LRRC69: variants seen among roughly 807,000 people sequenced by gnomAD.
LRRC69 encodes leucine rich repeat containing 69.
LRRC69 carries 42 observed loss-of-function variants against 37.8 expected under a neutral mutation model. The ratio of observed to expected loss-of-function variants is 1.11; its 90% CI spans 0.87 to 1.44. The LOEUF (loss-of-function observed/expected upper bound fraction) is 1.44, where lower values mean the gene tolerates loss of function less well. Ranked by LOEUF, LRRC69 falls within the 40% of genes most tolerant of loss-of-function variation. LRRC69 has a pLI of 0.00. For synonymous variants in LRRC69, 141 were observed against 143.1 expected (o/e 0.99, Z 0.11); for missense variants, 357 against 401.9 (o/e 0.89, Z 0.96).
intron 6 of LRRC69, among the ~76,000 whole-genome samples, chr8:91,192,342 G>A (rs1809513001): frequency 6.6e-6 from 1 of 152,012 alleles, no homozygotes; most frequent in African/African-American, 2.4e-5. Flanking sequence ...ATGATTTATA[G>A]TCCTTTGGGT....
At chr8:91,190,743 G>A (rs1809479760) in intron 6 of LRRC69, among the ~76,000 whole-genome samples, 1 of 151,834 alleles carries the variant, frequency 6.6e-6, no homozygotes, top group Admixed American at 6.6e-5. Context: ...TAATTTTCTG[G>A]CTTTTTAGCC....
intron 5 of LRRC69, among the ~76,000 whole-genome samples, chr8:91,143,127 A>G (rs1307329065): frequency 1.3e-5 from 2 of 152,098 alleles, no homozygotes; most frequent in African/African-American, 4.8e-5. Context: ...AAAACTTCTT[A>G]AACATTTATT....
At chr8:91,158,802 A>G (rs1808885186) in intron 5 of LRRC69, 1 of 740,264 alleles carries the variant, frequency 1.4e-6, no homozygotes, top group Non-Finnish European at 2.5e-6. Context: ...CCAATGATTC[A>G]TAACAATGTA....
At chr8:91,218,761 C>G in intron 7 of LRRC69, 129 bp from the exon 8 acceptor site, 1 of 566,644 alleles carries the variant, frequency 1.8e-6, no homozygotes, top group Non-Finnish European at 3.0e-6. Context: ...AAGAGCAAAT[C>G]AAGCATAAAT....
chr8:91,127,780 T>C (rs1813746070), intron 3 of LRRC69, among the ~76,000 whole-genome samples: 1 of 151,904 alleles, frequency 6.6e-6, no homozygotes, highest in Non-Finnish European at 1.5e-5. Context: ...CTTTGGAGAC[T>C]CCCTTTATTG....
intron 5 of LRRC69, among the ~76,000 whole-genome samples, chr8:91,153,038 C>G (rs370849809): frequency 1.3e-5 from 2 of 151,064 alleles, no homozygotes; most frequent in East Asian, 3.9e-4. Flanking sequence ...GAAAATTTAC[C>G]AAGCAAATGG....
At chr8:91,113,528 G>A (rs929910834) in intron 1 of LRRC69, among the ~76,000 whole-genome samples, 5 of 151,920 alleles carry the variant, frequency 3.3e-5, no homozygotes, top group African/African-American at 1.2e-4. Context: ...AATTAAATTG[G>A]ACCCTTATCT....
At chr8:91,155,683 C>T (rs1409299825) in intron 5 of LRRC69, among the ~76,000 whole-genome samples, 2 of 150,774 alleles carry the variant, frequency 1.3e-5, no homozygotes, top group Admixed American at 1.3e-4. Flanking sequence ...ATTCTACTCT[C>T]TACTTCTATG....
intron 1 of LRRC69, among the ~76,000 whole-genome samples, chr8:91,119,229 C>T (rs1408825581): frequency 6.6e-6 from 1 of 152,046 alleles, no homozygotes; most frequent in African/African-American, 2.4e-5. Context: ...ATCCTTGCTA[C>T]AGTGTTTCTG....
intron 5 of LRRC69, among the ~76,000 whole-genome samples, chr8:91,171,030 A>G (rs1809118108): frequency 6.6e-6 from 1 of 151,008 alleles, no homozygotes; most frequent in East Asian, 1.9e-4. Context: ...TCCAGAATCT[A>G]CAATGAACTC....
At chr8:91,131,036 T>C (rs762936367) in intron 3 of LRRC69, among the ~76,000 whole-genome samples, 3 of 152,122 alleles carry the variant, frequency 2.0e-5, no homozygotes, top group East Asian at 1.9e-4. Flanking sequence ...TTTTAACATA[T>C]GAATTTTGAA....
rs146401108 is a variant in LRRC69 at position 91,123,396 on chromosome 8, A to T, written c.184-1097A>T. Among the ~76,000 whole-genome samples the T allele has an allele frequency of 5.4e-3, 816 of 152,174 alleles. 29 individuals are homozygous for T. The highest frequency in any genetic ancestry group is 4.1e-3 in the Non-Finnish European group (279 of 68,030). On this transcript the variant is annotated intron_variant, in intron 1 of 7. Coordinates refer to ENST00000448384, the Ensembl canonical transcript of LRRC69. Reference sequence around the variant, plus strand: ...ATGTATTATACTGTTATAAATTAGGATAATGGTAATTCTTAGACAAAAGCA... The same window carrying T: ...ATGTATTATACTGTTATAAATTAGGTTAATGGTAATTCTTAGACAAAAGCA...
chr8:91,130,053 C>T (rs1378087199), intron 3 of LRRC69, among the ~76,000 whole-genome samples: 1 of 151,936 alleles, frequency 6.6e-6, no homozygotes, highest in East Asian at 1.9e-4. Context: ...TTCTTCAGCC[C>T]AGAAATTTCC....
chr8:91,191,054 C>A lies in LRRC69; in HGVS notation c.753+1431C>A, dbSNP rs1013269626. 2.1e-3 allele frequency among the ~76,000 whole-genome samples: 247 copies of A among 120,156 alleles called. 1 individual carries two copies. Among genetic ancestry groups the A allele is most frequent in the African/African-American group, 6.2e-3 (216 of 34,630 alleles). The allele number at this position is 120,156 out of a possible 152,430, so 78.8% of individuals were successfully genotyped here. On this transcript the variant is annotated intron_variant, in intron 6 of 7. Transcript: ENST00000448384. ...ATCCTGTCTCAAACCCCCCCCCCCC[C>A]AAGTCAAAAAGCAACAACAACAAAA...
intron 5 of LRRC69, among the ~76,000 whole-genome samples, chr8:91,181,450 A>G (rs893373284): frequency 6.6e-6 from 1 of 152,206 alleles, no homozygotes; most frequent in African/African-American, 2.4e-5. Flanking sequence ...TTTCACATAC[A>G]GATATAGAGA....
chr8:91,189,694 T>A, intron 6 of LRRC69, 71 bp downstream of exon 6: 1 of 1,060,764 alleles, frequency 9.4e-7, no homozygotes. Flanking sequence ...CGTTTTCTTT[T>A]AAAACATTCT....
At chr8:91,202,589 G>C (rs1264199197) in intron 7 of LRRC69, among the ~76,000 whole-genome samples, 2 of 152,162 alleles carry the variant, frequency 1.3e-5, no homozygotes, top group African/African-American at 4.8e-5. Context: ...GTTCCAGTAG[G>C]AACAGTGTGT....
rs147544859 is a variant in LRRC69, at chr8:91,164,656, A to G, written c.652-24866A>G. Among the ~76,000 whole-genome samples, 376 of 151,868 alleles carry G rather than the reference A, an allele frequency of 2.5e-3. 3 individuals carry two copies. Among genetic ancestry groups the G allele is most frequent in the Middle Eastern group, 6.8e-3 (2 of 294 alleles). On this transcript the variant is annotated intron_variant, in intron 5 of 7. Transcript: ENST00000448384. Reference sequence around the variant, plus strand: ...TGGTTTTGTGCTAAACACTTTAAATAGTATCCTTTTATTTAATTTTCATTA... The same window carrying G: ...TGGTTTTGTGCTAAACACTTTAAATGGTATCCTTTTATTTAATTTTCATTA...
At chr8:91,167,021 G>A (rs1809042285) in intron 5 of LRRC69, among the ~76,000 whole-genome samples, 1 of 151,756 alleles carries the variant, frequency 6.6e-6, no homozygotes, top group Non-Finnish European at 1.5e-5. Flanking sequence ...ACTCCCTGTT[G>A]GGCTGTGATA....
Sources: gnomAD v4.1 joint callset for allele counts (sites outside exome capture counted in the v4.1 genomes callset) on GRCh38, gnomAD v4.1.1 for gene constraint, MANE v1.5 for transcripts, NCBI Gene and HGNC (gene_info 2026-07-23, HGNC 2026-07-21) for gene names.